Variants in FHIT observed in about 807,000 individuals in gnomAD.
FHIT encodes the protein bis(5'-adenosyl)-triphosphatase.
A neutral mutation model predicts 17.9 loss-of-function variants in FHIT; 19 were observed. The ratio of observed to expected loss-of-function variants is 1.06; its 90% confidence interval spans 0.74 to 1.56. FHIT has a LOEUF of 1.56. Among genes scored for constraint, FHIT ranks in the 40% most tolerant of loss-of-function variants. The pLI, the probability that FHIT is intolerant of heterozygous loss-of-function variation, is 0.00. For synonymous variants in FHIT, 81 were observed against 69.7 expected (o/e 1.16, Z -0.81); for missense variants, 248 against 189.2 (o/e 1.31, Z -1.82).
intron 5 of FHIT, among the ~76,000 whole-genome samples, chr3:60,344,137 T>C (rs187874846): frequency 8.7e-4 from 133 of 152,316 alleles, no homozygotes; most frequent in Non-Finnish European, 1.5e-3. Context: ...CTTTAAAAAG[T>C]AATTAATCAT....
At chr3:60,524,239 C>G (rs1576810648) in intron 5 of FHIT, among the ~76,000 whole-genome samples, 1 of 96,298 alleles carries the variant, frequency 1.0e-5, no homozygotes, top group Admixed American at 1.2e-4. Context: ...CACACACACA[C>G]ACACACACAA....
chr3:60,492,657 C>T (rs913245512), intron 5 of FHIT, among the ~76,000 whole-genome samples: 2 of 152,000 alleles, frequency 1.3e-5, no homozygotes, highest in African/African-American at 4.8e-5. Context: ...CAGGCGCCCA[C>T]CATCATGCCT....
chr3:61,122,614 T>C (rs1265861294), intron 2 of FHIT, among the ~76,000 whole-genome samples: 2 of 152,046 alleles, frequency 1.3e-5, no homozygotes, highest in Admixed American at 1.3e-4. Context: ...CATCTGACAA[T>C]GGGCTAATAT....
intron 4 of FHIT, among the ~76,000 whole-genome samples, chr3:60,634,054 A>G (rs1490022639): frequency 6.6e-6 from 1 of 152,224 alleles, no homozygotes; most frequent in Non-Finnish European, 1.5e-5. Context: ...TTTGAGTAAC[A>G]TGAGCCTGTT....
rs537762072 is a variant in FHIT at position 60,815,220 on chromosome 3, T to C, written c.-18+6699A>G. Among the ~76,000 whole-genome samples the C allele has an allele frequency of 3.3e-5, 5 of 152,300 alleles. No homozygotes were observed. The South Asian group carries it at 1.0e-3, about 32-fold the overall frequency. ...TTACTCTGTTGACAGTTTCTTTTGC[T>C]GTGCAGAAGCTCTCTGGTTTGATTA... On this transcript the variant is annotated intron_variant, in intron 4 of 9. Coordinates refer to ENST00000492590, the MANE Select transcript of FHIT (RefSeq NM_002012.4).
At chr3:60,087,739 G>C (rs1445971760) in intron 5 of FHIT, among the ~76,000 whole-genome samples, 3 of 152,168 alleles carry the variant, frequency 2.0e-5, no homozygotes, top group African/African-American at 7.2e-5. Context: ...CTGAGACCTT[G>C]TCAGCATGGA....
chr3:60,435,680 G>T (rs972133974), intron 5 of FHIT, among the ~76,000 whole-genome samples: 9 of 151,920 alleles, frequency 5.9e-5, no homozygotes, highest in African/African-American at 1.9e-4. Context: ...TAAGTTAAGG[G>T]GTACATGTGC....
At chr3:60,748,255 A>C (rs1296202045) in intron 4 of FHIT, among the ~76,000 whole-genome samples, 1 of 152,206 alleles carries the variant, frequency 6.6e-6, no homozygotes, top group Non-Finnish European at 1.5e-5. Context: ...TTATCTTCTT[A>C]TGTTAGGTAT....
intron 3 of FHIT, among the ~76,000 whole-genome samples, chr3:60,984,048 C>G (rs1710610401): frequency 6.6e-6 from 1 of 152,210 alleles, no homozygotes; most frequent in Non-Finnish European, 1.5e-5. Context: ...CATCTTCCAT[C>G]TAACCCAGCT....
chr3:59,834,874 A>C (rs897945554), intron 8 of FHIT, among the ~76,000 whole-genome samples: 1 of 152,220 alleles, frequency 6.6e-6, no homozygotes, highest in Non-Finnish European at 1.5e-5. Flanking sequence ...TTTCCTGCCT[A>C]TATAAAATTT....
chr3:60,839,851 A>G (rs1702659719), intron 3 of FHIT, among the ~76,000 whole-genome samples: 1 of 152,212 alleles, frequency 6.6e-6, no homozygotes, highest in African/African-American at 2.4e-5. Flanking sequence ...AGTTTCAGAA[A>G]AACACAGAAA....
chr3:60,201,147 G>A (rs925308603), intron 5 of FHIT, among the ~76,000 whole-genome samples: 9 of 151,936 alleles, frequency 5.9e-5, no homozygotes, highest in Non-Finnish European at 1.2e-4. Context: ...TTTTATGTTT[G>A]GTTTAGCCAT....
At chr3:61,175,634 G>T (rs2107148541) in intron 2 of FHIT, among the ~76,000 whole-genome samples, 1 of 152,264 alleles carries the variant, frequency 6.6e-6, no homozygotes, top group South Asian at 2.1e-4. Flanking sequence ...AGGCTCTCAT[G>T]ACTGGGATTA....
intron 5 of FHIT, among the ~76,000 whole-genome samples, chr3:60,151,945 T>A (rs1238276116): frequency 6.6e-6 from 1 of 152,178 alleles, no homozygotes; most frequent in African/African-American, 2.4e-5. Flanking sequence ...TGAAATATAA[T>A]CCCTATGGGC....
chr3:60,531,357 C>A (rs1451477949), intron 5 of FHIT, among the ~76,000 whole-genome samples: 1 of 143,792 alleles, frequency 7.0e-6, no homozygotes, highest in Admixed American at 7.4e-5. Flanking sequence ...AGGCTCACTG[C>A]AAGCTCCGCC....
At chr3:61,143,755 A>G (rs898804849) in intron 2 of FHIT, among the ~76,000 whole-genome samples, 1 of 152,054 alleles carries the variant, frequency 6.6e-6, no homozygotes, top group Admixed American at 6.6e-5. Context: ...AGTCCCAACT[A>G]CTCGGGAGAC....
intron 8 of FHIT, among the ~76,000 whole-genome samples, chr3:59,798,424 T>A (rs1699866000): frequency 6.6e-6 from 1 of 152,236 alleles, no homozygotes; most frequent in Non-Finnish European, 1.5e-5. Flanking sequence ...ATGAATGCTA[T>A]GGTTCTGTGA....
intron 5 of FHIT, among the ~76,000 whole-genome samples, chr3:60,155,053 G>A (rs1700621319): frequency 6.6e-6 from 1 of 151,888 alleles, no homozygotes; most frequent in Non-Finnish European, 1.5e-5. Context: ...AAATTAGCCA[G>A]GCATGCACCT....
intron 5 of FHIT, among the ~76,000 whole-genome samples, chr3:60,093,057 G>A (rs187539638): frequency 9.2e-5 from 14 of 152,220 alleles, no homozygotes; most frequent in Admixed American, 7.8e-4. Context: ...ACAAGGCAAC[G>A]CATCAGTTTC....
Sources: gnomAD v4.1 joint callset for allele counts (sites outside exome capture counted in the v4.1 genomes callset) on GRCh38, gnomAD v4.1.1 for gene constraint, MANE v1.5 for transcripts, NCBI Gene and HGNC (gene_info 2026-07-23, HGNC 2026-07-21) for gene names.